The following CEP112 variants were observed in gnomAD, a reference collection of about 807,000 sequenced individuals.
The protein encoded by CEP112 is centrosomal protein of 112 kDa.
A neutral mutation model predicts 153.0 loss-of-function variants in CEP112; 127 were observed. The observed-to-expected ratio is 0.83, with a 90% CI of 0.72 to 0.96. The LOEUF is 0.96. CEP112 is among the 40% of genes least tolerant of loss of function. CEP112 has a pLI of 0.00. For missense variants in CEP112, 1,089 were observed against 1,101.2 expected (o/e 0.99, Z 0.16); for synonymous variants, 358 against 374.4 (o/e 0.96, Z 0.51).
At chr17:65,897,626 A>C (rs1241489533) in intron 20 of CEP112, among the ~76,000 whole-genome samples, 1 of 152,098 alleles carries the variant, frequency 6.6e-6, no homozygotes, top group African/African-American at 2.4e-5. Flanking sequence ...CTGTGACTTA[A>C]AATATACTTT....
intron 18 of CEP112, among the ~76,000 whole-genome samples, chr17:65,935,196 G>C (rs1018784677): frequency 6.6e-6 from 1 of 152,190 alleles, no homozygotes; most frequent in Non-Finnish European, 1.5e-5. Flanking sequence ...ATAGTGATAA[G>C]GGGCTCCACT....
At chr17:65,886,945 ACT>A in intron 20 of CEP112, among the ~76,000 whole-genome samples, 1 of 152,120 alleles carries the variant, frequency 6.6e-6, no homozygotes, top group East Asian at 1.9e-4. Flanking sequence ...GCTGGGGGAC[ACT>A]CTTCTAAGAT....
At chr17:65,777,998 C>A (rs2145595021) in intron 21 of CEP112, among the ~76,000 whole-genome samples, 1 of 149,790 alleles carries the variant, frequency 6.7e-6, no homozygotes, top group South Asian at 2.2e-4. Flanking sequence ...CAGTATTCTC[C>A]TGACCTGTCT....
At chr17:65,860,789 C>T (rs1246820039) in intron 20 of CEP112, among the ~76,000 whole-genome samples, 3 of 152,150 alleles carry the variant, frequency 2.0e-5, no homozygotes, top group Non-Finnish European at 2.9e-5. Context: ...TATGTTAACA[C>T]AAAAACTTGT....
chr17:66,182,077 T>C (rs1293163094), intron 2 of CEP112: 1 of 152,172 alleles, frequency 6.6e-6, no homozygotes, highest in Non-Finnish European at 1.5e-5. Context: ...AATGCAACAG[T>C]CTCCACTTAT....
At chr17:66,039,130 CAA>C (rs1453527674) in intron 12 of CEP112, among the ~76,000 whole-genome samples, 1 of 152,128 alleles carries the variant, frequency 6.6e-6, no homozygotes, top group Non-Finnish European at 1.5e-5. Flanking sequence ...TGCCAACTGA[CAA>C]GAGGAAATTT....
Position 65,847,086 on chromosome 17 carries a change from G to C in CEP112, c.2394+4718C>G, listed in dbSNP as rs555018734. 5.3e-5 allele frequency among the ~76,000 whole-genome samples: 8 copies of C among 152,220 alleles called. No homozygotes were observed. In the East Asian group the frequency reaches 1.4e-3, roughly 26 times the overall value. On this transcript the variant is annotated intron_variant, in intron 21 of 26. Coordinates refer to ENST00000535342, the MANE Select transcript of CEP112 (RefSeq NM_001199165.4). The stretch of plus-strand genomic sequence containing the variant: ...TGAGGTTGGTGAATTCCACCAACTG[G>C]ACAAAAACCGAACTCATCGCACTCA...
intron 17 of CEP112, among the ~76,000 whole-genome samples, chr17:65,965,688 AT>A (rs1182764062): frequency 2.0e-5 from 3 of 151,652 alleles, no homozygotes; most frequent in African/African-American, 7.3e-5. Context: ...CCCCTGGCTA[AT>A]TTTTTTCTTT....
intron 20 of CEP112, among the ~76,000 whole-genome samples, chr17:65,879,718 A>G (rs1197055785): frequency 6.6e-6 from 1 of 152,042 alleles, no homozygotes; most frequent in Non-Finnish European, 1.5e-5. Context: ...TTAAATGAAA[A>G]CAAGATGCTC....
At chr17:65,837,768 C>G (rs1362076355) in intron 21 of CEP112, among the ~76,000 whole-genome samples, 1 of 152,228 alleles carries the variant, frequency 6.6e-6, no homozygotes, top group Non-Finnish European at 1.5e-5. Flanking sequence ...CCTTGGGATG[C>G]TGTTAATCTA....
At chr17:65,840,388 G>A (rs1039717790) in intron 21 of CEP112, among the ~76,000 whole-genome samples, 2 of 151,998 alleles carry the variant, frequency 1.3e-5, no homozygotes, top group Admixed American at 6.5e-5. Flanking sequence ...AAGGTGCCAA[G>A]AACATACCTT....
chr17:65,698,811 A>T (rs972152350), intron 23 of CEP112, among the ~76,000 whole-genome samples: 1 of 152,096 alleles, frequency 6.6e-6, no homozygotes, highest in East Asian at 1.9e-4. Context: ...GATGATAAGC[A>T]CTCAAACTTG....
intron 17 of CEP112, among the ~76,000 whole-genome samples, chr17:65,970,391 T>C (rs1304959248): frequency 3.5e-5 from 2 of 56,488 alleles, no homozygotes; most frequent in Non-Finnish European, 7.9e-5. Flanking sequence ...GCATATATAT[T>C]ACATGCATGC....
chr17:65,857,844 T>C (rs1355774782), intron 20 of CEP112, among the ~76,000 whole-genome samples: 4 of 152,210 alleles, frequency 2.6e-5, no homozygotes, highest in African/African-American at 4.8e-5. Context: ...AAATATTTAG[T>C]GGAACTGGCC....
At position 65,701,909 on chromosome 17, in the gene CEP112, T is replaced by G. The variant is rs559248707; in HGVS notation, c.2608-12691A>C. On this transcript the variant is annotated intron_variant, in intron 23 of 26. Transcript: ENST00000535342. ...TTCTTTTTTTTTTTGTTTTTTTTTTTTTTTTTTGAGACGGAGTCTTGCTCT... is the reference window on the plus strand; with the variant it reads ...TTCTTTTTTTTTTTGTTTTTTTTTTGTTTTTTTGAGACGGAGTCTTGCTCT... 6.6e-3 allele frequency among the ~76,000 whole-genome samples: 991 copies of G among 149,084 alleles called. 9 individuals carry two copies. The highest frequency in any genetic ancestry group is 0.023 in the African/African-American group (920 of 40,608).
At chr17:65,723,889 T>G (rs922544491) in intron 23 of CEP112, among the ~76,000 whole-genome samples, 2 of 152,240 alleles carry the variant, frequency 1.3e-5, no homozygotes, top group Non-Finnish European at 2.9e-5. Context: ...AAGGGTGAGA[T>G]GCAAATCATC....
At chr17:65,801,493 G>T (rs2055273498) in intron 21 of CEP112, among the ~76,000 whole-genome samples, 1 of 152,148 alleles carries the variant, frequency 6.6e-6, no homozygotes, top group Admixed American at 6.5e-5. Flanking sequence ...TCTTATCCAA[G>T]GTCATAAACA....
chr17:66,022,852 C>T (rs2065056911), intron 16 of CEP112, among the ~76,000 whole-genome samples: 1 of 151,304 alleles, frequency 6.6e-6, no homozygotes, highest in Admixed American at 6.6e-5. Flanking sequence ...AAAAACTTGC[C>T]AATGAGACAG....
chr17:65,821,817 G>C (rs1207306434), intron 21 of CEP112, among the ~76,000 whole-genome samples: 1 of 151,094 alleles, frequency 6.6e-6, no homozygotes, highest in African/African-American at 2.4e-5. Context: ...CTCCCAAAGT[G>C]CTGGGATTAC....
Sources: allele counts gnomAD v4.1 joint callset (sites outside exome capture counted in the v4.1 genomes callset), GRCh38; gene constraint gnomAD v4.1.1; transcripts MANE v1.5; gene names NCBI Gene and HGNC (gene_info 2026-07-23, HGNC 2026-07-21).